Variants in NEDD4L observed in about 807,000 individuals in gnomAD.
NEDD4L encodes NEDD4 like E3 ubiquitin protein ligase, also known as E3 ubiquitin-protein ligase NEDD4-like.
Under a neutral mutation model 148.9 loss-of-function variants are expected in NEDD4L, and 54 were observed. The ratio of observed to expected loss-of-function variants is 0.36; its 90% CI spans 0.29 to 0.45. The LOEUF (loss-of-function observed/expected upper bound fraction) is 0.45, where lower values mean the gene tolerates loss of function less well. NEDD4L is among the 20% of genes least tolerant of loss of function. NEDD4L has a pLI of 1.00. For synonymous variants in NEDD4L, 433 were observed against 440.7 expected (o/e 0.98, Z 0.22); for missense variants, 856 against 1,233.8 (o/e 0.69, Z 4.59).
chr18:58,395,715 G>A (rs1246331301), intron 30 of NEDD4L, among the ~76,000 whole-genome samples: 1 of 152,134 alleles, frequency 6.6e-6, no homozygotes, highest in Non-Finnish European at 1.5e-5. Flanking sequence ...GCAGAATGGA[G>A]ATAACATGAC....
rs527441417 is a variant in NEDD4L at position 58,053,668 on chromosome 18, C to T, written c.48+8960C>T. Among the ~76,000 whole-genome samples, 13 of 152,302 alleles carry T rather than the reference C, an allele frequency of 8.5e-5. No homozygotes were observed. In the East Asian group the frequency reaches 1.7e-3, roughly 20 times the overall value. ...CAACCTGACTCAAGGTTTAGCTCTT[C>T]GTCTCTTGGGTGCAGTTTTGGATCA... On this transcript the variant is annotated intron_variant, in intron 1 of 30. Transcript: ENST00000400345.
intron 2 of NEDD4L, among the ~76,000 whole-genome samples, chr18:58,182,497 G>A: frequency 6.7e-6 from 1 of 148,826 alleles, no homozygotes; most frequent in African/African-American, 2.5e-5. Context: ...GTGGTGACCT[G>A]AGCATTGATA....
At chr18:58,215,522 T>C (rs1030354945) in intron 2 of NEDD4L, among the ~76,000 whole-genome samples, 1 of 152,230 alleles carries the variant, frequency 6.6e-6, no homozygotes, top group African/African-American at 2.4e-5. Flanking sequence ...ATCTGTCATA[T>C]GTTTTTTCTC....
chr18:58,259,444 G>A (rs1305046690), intron 5 of NEDD4L, among the ~76,000 whole-genome samples: 1 of 152,160 alleles, frequency 6.6e-6, no homozygotes, highest in Admixed American at 6.5e-5. Context: ...TAGCTTTTGG[G>A]TTATTGGGTT....
chr18:58,306,316 T>C (rs1004619035), intron 5 of NEDD4L, among the ~76,000 whole-genome samples: 2 of 152,094 alleles, frequency 1.3e-5, no homozygotes, highest in Non-Finnish European at 2.9e-5. Context: ...AGTAAAAGAA[T>C]AAAAACTATT....
chr18:58,056,906 T>C (rs1486079386), intron 1 of NEDD4L, among the ~76,000 whole-genome samples: 2 of 148,840 alleles, frequency 1.3e-5, no homozygotes, highest in African/African-American at 5.0e-5. Flanking sequence ...TTTTTTTTTT[T>C]TTTTGTTTGT....
intron 2 of NEDD4L, among the ~76,000 whole-genome samples, chr18:58,235,965 G>A (rs1022753627): frequency 2.0e-5 from 3 of 151,680 alleles, no homozygotes; most frequent in African/African-American, 4.8e-5. Flanking sequence ...CCTGGGAGGC[G>A]GAGGCTGCAG....
In NEDD4L at chr18:58,077,160, CTTTTTTTTTTT is replaced by C. The variant is rs60248050; in HGVS notation, c.48+32473_48+32483del. Among the ~76,000 whole-genome samples the C allele has an allele frequency of 7.8e-3, 382 of 48,924 alleles. 4 individuals are homozygous for C. The highest frequency in any genetic ancestry group is 0.028 in the African/African-American group (359 of 12,860). 32.1% of individuals were successfully genotyped at this position (48,924 alleles called of 152,430 possible). ...GCCACCATACCCAGCCTCATAACGG[CTTTTTTTTTTT>C]TTTTTTTTTTTTTTTTTTTTGAGAC... On this transcript the variant is annotated intron_variant, in intron 1 of 30. Transcript: ENST00000400345.
chr18:58,082,027 C>A (rs1221085168), intron 1 of NEDD4L, among the ~76,000 whole-genome samples: 1 of 145,568 alleles, frequency 6.9e-6, no homozygotes, highest in Non-Finnish European at 1.5e-5. Context: ...TGATTGTAAT[C>A]CAGGACTAAA....
chr18:58,220,912 G>A (rs1480615728), intron 2 of NEDD4L, among the ~76,000 whole-genome samples: 1 of 152,118 alleles, frequency 6.6e-6, no homozygotes, highest in Non-Finnish European at 1.5e-5. Flanking sequence ...TGGGTCCCAG[G>A]GTAGAGCTCT....
Position 58,236,211 on chromosome 18 carries a change from G to A in NEDD4L, c.123-9216G>A, listed in dbSNP as rs765225752. On this transcript the variant is annotated intron_variant, in intron 2 of 30. Coordinates refer to ENST00000400345, the MANE Select transcript of NEDD4L (RefSeq NM_001144967.3). ...CTCTACAAAAAATTTTTAAAAATTAGCCAGGCATGGTGGTGTGTGTCTGTA... is the reference window on the plus strand; with the variant it reads ...CTCTACAAAAAATTTTTAAAAATTAACCAGGCATGGTGGTGTGTGTCTGTA... Among the ~76,000 whole-genome samples, 5 of 152,014 alleles carry A rather than the reference G, an allele frequency of 3.3e-5. No homozygotes were observed. The East Asian group carries it at 9.7e-4, about 29-fold the overall frequency.
At chr18:58,338,839 A>G (rs1601438662) in intron 13 of NEDD4L, among the ~76,000 whole-genome samples, 2 of 152,280 alleles carry the variant, frequency 1.3e-5, no homozygotes, top group Admixed American at 6.5e-5. Flanking sequence ...TCACTTGAAC[A>G]TGGGAGGCGG....
At chr18:58,301,241 G>A (rs1307903018) in intron 5 of NEDD4L, among the ~76,000 whole-genome samples, 14 of 152,074 alleles carry the variant, frequency 9.2e-5, no homozygotes, top group Non-Finnish European at 2.9e-5. Context: ...TGAACTCCTG[G>A]GCCATTGCTA....
At position 58,400,446 on chromosome 18, in the gene NEDD4L, A is replaced by G. The variant is rs1276867898; in HGVS notation, c.*4177A>G. ...ATGAACAGTGTCTATACATTTGCAT[A>G]CACACACCCCCACCCCAGAGTGTTC... On this transcript the variant is annotated 3_prime_UTR_variant, in exon 31 of 31. Coordinates refer to ENST00000400345, the MANE Select transcript of NEDD4L (RefSeq NM_001144967.3). 2.0e-5 allele frequency: 3 copies of G among 152,198 alleles called. No individual in the cohort carries two copies. Among genetic ancestry groups the G allele is most frequent in the African/African-American group, 7.2e-5 (3 of 41,442 alleles). 9.4% of individuals were successfully genotyped at this position (152,198 alleles called of 1,614,324 possible).
At chr18:58,345,499 A>T (rs1052236095) in intron 16 of NEDD4L, among the ~76,000 whole-genome samples, 2 of 152,230 alleles carry the variant, frequency 1.3e-5, no homozygotes, top group Non-Finnish European at 2.9e-5. Flanking sequence ...AAAGGAAAAA[A>T]ACTGGTAGGA....
chr18:58,234,108 TTTC>T (rs1327940843), intron 2 of NEDD4L, among the ~76,000 whole-genome samples: 8 of 75,698 alleles, frequency 1.1e-4, no homozygotes, highest in African/African-American at 5.0e-4. Flanking sequence ...TTTCTTTTCT[TTTC>T]TTTTCTTTTC....
At chr18:58,138,630 A>G (rs940299930) in intron 1 of NEDD4L, among the ~76,000 whole-genome samples, 1 of 152,254 alleles carries the variant, frequency 6.6e-6, no homozygotes, top group South Asian at 2.1e-4. Flanking sequence ...CTTAATGCTC[A>G]CAGTTTTGGA....
intron 27 of NEDD4L, chr18:58,388,314 G>C (rs1181355789): frequency 1.3e-5 from 2 of 152,200 alleles, no homozygotes; most frequent in African/African-American, 4.8e-5. Context: ...CAAGATCGAT[G>C]ATGTCTATAG....
chr18:58,245,928 C>T (rs1231860390), intron 3 of NEDD4L, among the ~76,000 whole-genome samples: 1 of 148,490 alleles, frequency 6.7e-6, no homozygotes, highest in Non-Finnish European at 1.5e-5. Context: ...GAACTCCTGA[C>T]CTCAGGTGAT....
Sources: gnomAD v4.1 joint callset for allele counts (sites outside exome capture counted in the v4.1 genomes callset) on GRCh38, gnomAD v4.1.1 for gene constraint, MANE v1.5 for transcripts, NCBI Gene and HGNC (gene_info 2026-07-23, HGNC 2026-07-21) for gene names.